SPTB: variants seen among roughly 807,000 people sequenced by gnomAD.
The protein encoded by SPTB is spectrin beta chain, erythrocytic.
In SPTB, 45 loss-of-function variants were observed where a neutral mutation model predicts 256.2. That is an observed-to-expected ratio of 0.18 (90% CI 0.14 to 0.23). SPTB has a LOEUF of 0.23. SPTB is among the 10% of genes least tolerant of loss of function. The probability of loss-of-function intolerance (pLI) is 1.00; values close to 1 mark genes in which losing one functional copy is unlikely to be tolerated. For missense variants in SPTB, 2,715 were observed against 3,040.4 expected (o/e 0.89, Z 2.52); for synonymous variants, 1,231 against 1,243.1 (o/e 0.99, Z 0.21).
In SPTB at chr14:64,785,766, C is replaced by T. The variant is rs769686954; in HGVS notation, c.3747G>A (p.Val1249=). ...GGGAGTACCTGTCCTCAATCAGCTG[C>T]ACCTTCTCCTTGATCTTGTCTGAGT... ...NLYSDKIKEK[V]QLIEDRHRKN... Residue 1249 remains valine (V), a synonymous_variant, in exon 17 of 36, where the codon GTG becomes GTA. Transcript: ENST00000644917. The surrounding 1 kb of genome is among the most constrained non-coding windows in gnomAD (Gnocchi z 4.4). The T allele has an allele frequency of 6.8e-6, 11 of 1,614,004 alleles. No individual in the cohort carries two copies. The highest frequency in any genetic ancestry group is 9.3e-6 in the Non-Finnish European group (11 of 1,180,030).
At chr14:64,808,272 A>G (rs1036545213) in intron 2 of SPTB, among the ~76,000 whole-genome samples, 1 of 152,042 alleles carries the variant, frequency 6.6e-6, no homozygotes, top group Non-Finnish European at 1.5e-5. Flanking sequence ...TTGACCTCTC[A>G]AAGTGCTGGG....
intron 31 of SPTB, 108 bp from the exon 32 acceptor site, chr14:64,766,909 T>C (rs1594752971): frequency 7.3e-7 from 1 of 1,363,814 alleles, no homozygotes; most frequent in Non-Finnish European, 1.0e-6. Flanking sequence ...ACCAAATAGC[T>C]CCCCCTCCAG....
chr14:64,774,489 C>G lies in SPTB; in HGVS notation c.4881G>C (p.Leu1627Phe). The G allele has an allele frequency of 6.4e-7, 1 of 1,555,520 alleles. No individual in the cohort carries two copies. The highest frequency in any genetic ancestry group is 1.2e-5 in the South Asian group (1 of 84,360). The part of the protein sequence containing the change: ...EGAIVMLKRH[L>F]RQQRAVEDYG... The stretch of plus-strand genomic sequence containing the variant: ...AGTCCTCCACCGCACGCTGCTGCCG[C>G]AAATGTCGCTTCAGCATCACAATGG... Residue 1627 changes from leucine (L) to phenylalanine (F), a missense_variant, in exon 24 of 36, where the codon TTG becomes TTC. Coordinates refer to ENST00000644917, the MANE Select transcript of SPTB (RefSeq NM_001355436.2).
At chr14:64,846,404 GGGGC>G (rs2083693307) in intron 1 of SPTB, among the ~76,000 whole-genome samples, 1 of 152,206 alleles carries the variant, frequency 6.6e-6, no homozygotes, top group African/African-American at 2.4e-5. Context: ...CTCAGCTAAA[GGGGC>G]CAAGACAGCA....
chr14:64,747,365 G>A lies in SPTB; in HGVS notation c.*1941C>T, dbSNP rs1205659933. On this transcript the variant is annotated 3_prime_UTR_variant, in exon 36 of 36. Coordinates refer to ENST00000644917, the MANE Select transcript of SPTB (RefSeq NM_001355436.2). ...AAAGGCCTACTTTATTGCTAGGTGAGTGCAGTCACCTCACTGCCTTGGTTT... is the reference window on the plus strand; with the variant it reads ...AAAGGCCTACTTTATTGCTAGGTGAATGCAGTCACCTCACTGCCTTGGTTT... 2 of 152,688 alleles carry A rather than the reference G, an allele frequency of 1.3e-5. No individual in the cohort carries two copies. Among genetic ancestry groups the A allele is most frequent in the African/African-American group, 4.8e-5 (2 of 41,460 alleles). The allele number at this position is 152,688 out of a possible 1,614,324, so 9.5% of individuals were successfully genotyped here.
Position 64,790,123 on chromosome 14 carries a change from A to G in SPTB, c.2804+1596T>C, listed in dbSNP as rs2139580781. Among the ~76,000 whole-genome samples, 1 of 152,332 alleles carries G rather than the reference A, an allele frequency of 6.6e-6. No individual in the cohort carries two copies. The highest frequency in any genetic ancestry group is 2.4e-5 in the African/African-American group (1 of 41,570). On this transcript the variant is annotated intron_variant, in intron 15 of 35. Coordinates refer to ENST00000644917, the MANE Select transcript of SPTB (RefSeq NM_001355436.2). The surrounding 1 kb of genome is among the most constrained non-coding windows in gnomAD (Gnocchi z 4.8). The stretch of plus-strand genomic sequence containing the variant: ...AAAAAGAATTGCCCAAAAATGAGAT[A>G]GGCTGCCGGGTGAGGGAGTGAGTTC...
rs371649655 is a variant in SPTB, at chr14:64,782,410, G to T, written c.4146C>A (p.Asp1382Glu). The change falls in exon 20 of 36, where the codon GAC becomes GAA. Residue 1382 changes from aspartate (D) to glutamate (E), a missense_variant. By Grantham distance (45) the Asp-to-Glu change is conservative. This residue lies in a region of SPTB where 2,239 missense variants were observed against 2,384.4 expected (regional missense o/e 0.94). Transcript: ENST00000644917. ...GGTCAGCATGGGTCTGCAAGCGCAGGTCGGAGCTCCTGGCAGCCGAGAGGT... is the reference window on the plus strand; with the variant it reads ...GGTCAGCATGGGTCTGCAAGCGCAGTTCGGAGCTCCTGGCAGCCGAGAGGT... ...TQHLSAARSS[D>E]LRLQTHADLN... 7 of 1,614,152 alleles carry T rather than the reference G, an allele frequency of 4.3e-6. No homozygotes were observed. In the East Asian group the frequency reaches 1.6e-4, roughly 36 times the overall value.
chr14:64,838,726 A>C (rs1334852450), intron 1 of SPTB, among the ~76,000 whole-genome samples: 1 of 152,166 alleles, frequency 6.6e-6, no homozygotes, highest in Non-Finnish European at 1.5e-5. Context: ...AAAAAAAAAC[A>C]ATTCTGCAGT....
chr14:64,872,197 G>A (rs1256604688), intron 1 of SPTB, among the ~76,000 whole-genome samples: 1 of 152,070 alleles, frequency 6.6e-6, no homozygotes, highest in Non-Finnish European at 1.5e-5. Flanking sequence ...CACCATCTCA[G>A]TAAACGACCT....
chr14:64,855,247 A>T (rs970024449), intron 1 of SPTB, among the ~76,000 whole-genome samples: 1 of 152,260 alleles, frequency 6.6e-6, no homozygotes, highest in East Asian at 1.9e-4. Context: ...CAAGGTGTCC[A>T]TGTGAAGACA....
intron 2 of SPTB, among the ~76,000 whole-genome samples, chr14:64,815,252 G>A (rs2083168233): frequency 6.6e-6 from 1 of 152,094 alleles, no homozygotes; most frequent in Non-Finnish European, 1.5e-5. Context: ...GGTGTTGGAA[G>A]AAAAATGGGA....
Position 64,802,370 on chromosome 14 carries a change from G to C in SPTB, c.475-53C>G. The C allele has an allele frequency of 6.4e-7, 1 of 1,567,840 alleles. No homozygotes were observed. Among genetic ancestry groups the C allele is most frequent in the Non-Finnish European group, 8.8e-7 (1 of 1,142,806 alleles). ...GAAGAGGATGTGCATCTGGATCTGT[G>C]CTTTCCTGCCGTCCCTGGGAGGCTC... is the stretch of plus-strand genomic sequence containing the variant. On this transcript the variant is annotated intron_variant, in intron 4 of 35. Transcript: ENST00000644917. This position sits in a 1 kb window ranked among gnomAD's most constrained non-coding sequence, Gnocchi z 5.1.
At position 64,792,291 on chromosome 14, in the gene SPTB, C is replaced by T. The variant is rs143234142; in HGVS notation, c.2667-435G>A. Among the ~76,000 whole-genome samples the T allele has an allele frequency of 1.2e-3, 188 of 152,294 alleles. No individual in the cohort carries two copies. The highest frequency in any genetic ancestry group is 4.4e-3 in the African/African-American group (184 of 41,560). On this transcript the variant is annotated intron_variant, in intron 14 of 35. Transcript: ENST00000644917. The surrounding 1 kb of genome is among the most constrained non-coding windows in gnomAD (Gnocchi z 4.2). ...AAAAGATACCCTTTCCAGCCAGGTGCTCCATTCCTGGGTAAGATAAGGAAA... is the reference window on the plus strand; with the variant it reads ...AAAAGATACCCTTTCCAGCCAGGTGTTCCATTCCTGGGTAAGATAAGGAAA...
In SPTB at chr14:64,814,890, G is replaced by GT. The variant is rs533987806; in HGVS notation, c.148+8056dup. Among the ~76,000 whole-genome samples the GT allele has an allele frequency of 3.2e-4, 48 of 151,970 alleles. No homozygotes were observed. The South Asian group carries it at 5.8e-3, about 18-fold the overall frequency. ...ATTGTAGACCAGTTTAAATCAAAAAGTTTTTTTTTATTTTTGAAGAAGGCT... is the reference window on the plus strand; with the variant it reads ...ATTGTAGACCAGTTTAAATCAAAAAGTTTTTTTTTTATTTTTGAAGAAGGCT... On this transcript the variant is annotated intron_variant, in intron 2 of 35. Transcript: ENST00000644917.
In SPTB at chr14:64,747,803, C is replaced by G. The variant is rs1004691976; in HGVS notation, c.*1503G>C. 1 of 136,840 alleles carries G rather than the reference C, an allele frequency of 7.3e-6. No individual in the cohort carries two copies. The highest frequency in any genetic ancestry group is 1.6e-5 in the Non-Finnish European group (1 of 62,924). 8.5% of individuals were successfully genotyped at this position (136,840 alleles called of 1,614,324 possible). ...GGGAAAATGCCTGCTGCCCTCCGCC[C>G]TCCCCCCCACCCCCGACCCGCTTGA... On this transcript the variant is annotated 3_prime_UTR_variant, in exon 36 of 36. Coordinates refer to ENST00000644917, the MANE Select transcript of SPTB (RefSeq NM_001355436.2).
rs774924529 is a variant in SPTB, at chr14:64,766,805, A to G, written c.6270-4T>C. ...CTCGCCTTCCTCCTCTTGAGGCCTA[A>G]GGAAGACACAGTCTCTCTTTAGAAA... is the stretch of plus-strand genomic sequence containing the variant. On this transcript the variant is annotated splice_polypyrimidine_tract_variant and splice_region_variant and intron_variant, in intron 31 of 35. Coordinates refer to ENST00000644917, the MANE Select transcript of SPTB (RefSeq NM_001355436.2). 3 of 1,610,326 alleles carry G rather than the reference A, an allele frequency of 1.9e-6. No homozygotes were observed. The highest frequency in any genetic ancestry group is 4.5e-5 in the East Asian group (2 of 44,846).
In SPTB at chr14:64,800,055, C is replaced by T. The variant is rs145788380; in HGVS notation, c.877-121G>A. ...CTCCCACCTCCTAAGCCCTGGAGTG[C>T]TCTAGGCTGGGTTTGTTCCCTGAGC... On this transcript the variant is annotated intron_variant, in intron 8 of 35. Transcript: ENST00000644917. 1,095 of 1,284,440 alleles carry T rather than the reference C, an allele frequency of 8.5e-4. 11 individuals carry two copies. The African/African-American group carries it at 0.013, about 15-fold the overall frequency. The allele number at this position is 1,284,440 out of a possible 1,614,324, so 79.6% of individuals were successfully genotyped here.
chr14:64,790,209 A>T lies in SPTB; in HGVS notation c.2804+1510T>A, dbSNP rs1390485228. 1.3e-5 allele frequency among the ~76,000 whole-genome samples: 2 copies of T among 152,042 alleles called. No individual in the cohort carries two copies. The highest frequency in any genetic ancestry group is 3.8e-4 in the East Asian group (2 of 5,196). ...CCTTTCAACTCTCAAATTTAATTTC[A>T]TGCCTCGGGTTTTTTTCTCACTTAA... On this transcript the variant is annotated intron_variant, in intron 15 of 35. Transcript: ENST00000644917. The surrounding 1 kb of genome is among the most constrained non-coding windows in gnomAD (Gnocchi z 4.8).
Position 64,753,760 on chromosome 14 carries a change from G to T in SPTB, c.6379C>A (p.Gln2127Lys), listed in dbSNP as rs1340791452. The T allele has an allele frequency of 4.3e-6, 7 of 1,613,446 alleles. No homozygotes were observed. The Admixed American group carries it at 6.7e-5, about 15-fold the overall frequency. Reference protein sequence around the residue: ...EEEGTWPQNLQQPPPPGQHKD... With the variant: ...EEEGTWPQNLKQPPPPGQHKD... ...TGCTGACCCGGCGGTGGTGGCTGCT[G>T]CAGGTTCTGAGGCCACGTTCCCTCT... The change falls in exon 33 of 36, where the codon CAG (glutamine) becomes AAG (lysine). Residue 2127 changes from glutamine (Q) to lysine (K), a missense_variant. By Grantham distance (53) the Gln-to-Lys change is moderately conservative. This residue lies in a region of SPTB where 2,239 missense variants were observed against 2,384.4 expected (regional missense o/e 0.94). Transcript: ENST00000644917.
Sources: allele counts gnomAD v4.1 joint callset (sites outside exome capture counted in the v4.1 genomes callset), GRCh38; gene constraint gnomAD v4.1.1; regional missense constraint gnomAD v4.1.1; non-coding constraint Gnocchi (gnomAD v3.1); transcripts MANE v1.5; gene names NCBI Gene and HGNC (gene_info 2026-07-23, HGNC 2026-07-21).